HCN4: variants seen among roughly 807,000 people sequenced by gnomAD.
The protein encoded by HCN4 is hyperpolarization activated cyclic nucleotide gated potassium channel 4, also known as potassium/sodium hyperpolarization-activated cyclic nucleotide-gated channel 4.
HCN4 carries 29 observed loss-of-function variants against 76.9 expected under a neutral mutation model. The observed-to-expected ratio is 0.38, with a 90% CI of 0.28 to 0.51. The LOEUF (loss-of-function observed/expected upper bound fraction) is 0.51, where lower values mean the gene tolerates loss of function less well. HCN4 is among the 20% of genes least tolerant of loss of function. The pLI, the probability that HCN4 is intolerant of heterozygous loss-of-function variation, is 0.90. For missense variants in HCN4, 1,416 were observed against 1,715.2 expected, an observed-to-expected ratio of 0.83 and a Z score of 3.08; for synonymous variants, 772 against 762.5, an observed-to-expected ratio of 1.01 and a Z score of -0.21.
At chr15:73,330,255 G>A (rs1471234426) in intron 3 of HCN4, among the ~76,000 whole-genome samples, 4 of 152,242 alleles carry the variant, frequency 2.6e-5, no homozygotes, top group Admixed American at 6.5e-5. Flanking sequence ...GGACTGAGCC[G>A]AAAAACACTG....
Position 73,349,351 on chromosome 15 carries a change from A to T in HCN4, c.786-5543T>A, listed in dbSNP as rs180820075. Among the ~76,000 whole-genome samples the T allele has an allele frequency of 4.4e-3, 660 of 148,752 alleles. 3 individuals are homozygous for T. Among genetic ancestry groups the T allele is most frequent in the Non-Finnish European group, 6.8e-3 (456 of 67,486 alleles). On this transcript the variant is annotated intron_variant, in intron 1 of 7. Transcript: ENST00000261917. ...TGGACTACTTTATTTAATCTTCATT[A>T]AAAAAAAACCCCTATGAGGTAGATA...
In HCN4 at chr15:73,332,242, G is replaced by A; in HGVS notation, c.1260C>T (p.Asn420=). Residue 420 remains asparagine (N), a synonymous_variant, in exon 3 of 8, where the codon AAC becomes AAT. Transcript: ENST00000261917. ...AGAGCAGGAGCATCATGCCGATGAGGTTCACGATGCGCACCACGGCGCTGG... is the reference window on the plus strand; with the variant it reads ...AGAGCAGGAGCATCATGCCGATGAGATTCACGATGCGCACCACGGCGCTGG... ...DLASAVVRIV[N]LIGMMLLLCH... The A allele has an allele frequency of 6.2e-7, 1 of 1,614,208 alleles. No homozygotes were observed. The highest frequency in any genetic ancestry group is 1.3e-5 in the African/African-American group (1 of 75,074).
At chr15:73,324,370 G>A (rs991847160) in intron 6 of HCN4, 117 bp from the exon 7 acceptor site, 1 of 1,148,128 alleles carries the variant, frequency 8.7e-7, no homozygotes, top group Admixed American at 2.0e-5. Context: ...GGCTCACAAG[G>A]CCCTGCCCCC....
At chr15:73,363,243 T>A (rs2043113922) in intron 1 of HCN4, among the ~76,000 whole-genome samples, 1 of 152,220 alleles carries the variant, frequency 6.6e-6, no homozygotes, top group Non-Finnish European at 1.5e-5. Flanking sequence ...GGCTGCTGCC[T>A]CTTCCTCCTT....
At position 73,368,298 on chromosome 15, in the gene HCN4, C is replaced by A. The variant is rs1054355010; in HGVS notation, c.-28G>T. 4.8e-6 allele frequency: 7 copies of A among 1,454,298 alleles called. No individual in the cohort carries two copies. The African/African-American group carries it at 1.0e-4, about 21-fold the overall frequency. The allele number at this position is 1,454,298 out of a possible 1,614,324, so 90.1% of individuals were successfully genotyped here. A position where few individuals can be genotyped will look rare whatever the true frequency, so the allele number is the denominator to read the frequency against. ...CGCCAGGGGCCGGGGTCGGACCGGG[C>A]CGGGGGCAGGAGCGCGGCGCCGCGG... On this transcript the variant is annotated 5_prime_UTR_variant, in exon 1 of 8. Transcript: ENST00000261917. This position sits in a 1 kb window ranked among gnomAD's most constrained non-coding sequence, Gnocchi z 6.9.
At position 73,322,617 on chromosome 15, in the gene HCN4, C is replaced by T. The variant is rs754950186; in HGVS notation, c.3476G>A (p.Gly1159Asp). Residue 1159 changes from glycine to aspartate, a missense_variant, in exon 8 of 8, where the codon GGT (glycine) becomes GAT (aspartate). By Grantham distance (94) the Gly-to-Asp change is moderately conservative. This residue lies in a region of HCN4 where 633 missense variants were observed against 579.8 expected (regional missense o/e 1.09). Transcript: ENST00000261917. The stretch of plus-strand genomic sequence containing the variant: ...CAAAGACAGAGGGGGTGGCAAAGAA[C>T]CTGAGGATGTCTTCCGAGGCAGAGT... ...HVTLPRKTSS[G>D]SLPPPLSLFG... The T allele has an allele frequency of 1.2e-6, 2 of 1,611,896 alleles. No individual in the cohort carries two copies. Among genetic ancestry groups the T allele is most frequent in the East Asian group, 2.2e-5 (1 of 44,814 alleles).
Position 73,322,788 on chromosome 15 carries a change from C to CGG in HCN4, c.3303_3304dup (p.Arg1102ProfsTer80). On this transcript the variant is annotated frameshift_variant, in exon 8 of 8. Coordinates refer to ENST00000261917, the MANE Select transcript of HCN4 (RefSeq NM_005477.3). LOFTEE classifies it high-confidence loss of function. ...CCCTGAGGAGTGCGGGGAGGCTCTG[C>CGG]GGAGAGTCTGCGCCCCGTCCTGAGG... The CGG allele has an allele frequency of 6.4e-7, 1 of 1,552,352 alleles. No individual in the cohort carries two copies. The highest frequency in any genetic ancestry group is 8.7e-7 in the Non-Finnish European group (1 of 1,148,318).
In HCN4 at chr15:73,325,576, A is replaced by G. The variant is rs2042894625; in HGVS notation, c.1591-132T>C. On this transcript the variant is annotated intron_variant, in intron 4 of 7. Coordinates refer to ENST00000261917, the MANE Select transcript of HCN4 (RefSeq NM_005477.3). This position sits in a 1 kb window ranked among gnomAD's most constrained non-coding sequence, Gnocchi z 7.4. Reference sequence around the variant, plus strand: ...TCCTGGCTAAACTTGGTTCCTTGAGATCTGAGGTCTACAGTGTGGAAATGA... The same window carrying G: ...TCCTGGCTAAACTTGGTTCCTTGAGGTCTGAGGTCTACAGTGTGGAAATGA... 2 of 891,180 alleles carry G rather than the reference A, an allele frequency of 2.2e-6. No homozygotes were observed. Among genetic ancestry groups the G allele is most frequent in the Non-Finnish European group, 3.7e-6 (2 of 539,184 alleles). The allele number at this position is 891,180 out of a possible 1,614,324, so 55.2% of individuals were successfully genotyped here.
intron 2 of HCN4, chr15:73,341,069 G>GTGTGTGTGTGTGTGTGT (rs2042998731): frequency 2.7e-5 from 4 of 145,864 alleles, no homozygotes; most frequent in African/African-American, 1.0e-4. Context: ...GAGGGAGGTA[G>GTGTGTGTGTGTGTGTGT]GTGTGTGTGT....
At position 73,367,379 on chromosome 15, in the gene HCN4, TC is replaced by T. The variant is rs145930956; in HGVS notation, c.785+106del. The T allele has an allele frequency of 6.5e-7, 1 of 1,540,186 alleles. No homozygotes were observed. Among genetic ancestry groups the T allele is most frequent in the East Asian group, 2.3e-5 (1 of 42,858 alleles). On this transcript the variant is annotated intron_variant, in intron 1 of 7. Transcript: ENST00000261917. This position sits in a 1 kb window ranked among gnomAD's most constrained non-coding sequence, Gnocchi z 7.5. ...AGAGGCGCCCTGCCTCTCTTGGAGC[TC>T]CCAGCGCAAGGCAGGAAAGTTAACT...
intron 2 of HCN4, 28 bp from the exon 3 acceptor site, chr15:73,332,320 G>T: frequency 6.2e-7 from 1 of 1,613,440 alleles, no homozygotes; most frequent in Non-Finnish European, 8.5e-7. Context: ...GAAATTGGCT[G>T]GGATAGGTGA....
chr15:73,347,270 G>A (rs183421279), intron 1 of HCN4, among the ~76,000 whole-genome samples: 67 of 152,296 alleles, frequency 4.4e-4, no homozygotes, highest in African/African-American at 1.6e-3. Context: ...CACAGCTAGT[G>A]AGGGACAGAC....
chr15:73,356,547 C>T (rs1397142050), intron 1 of HCN4, among the ~76,000 whole-genome samples: 3 of 151,612 alleles, frequency 2.0e-5, no homozygotes, highest in Non-Finnish European at 2.9e-5. Flanking sequence ...CAGCATTGGT[C>T]ATAGAAGGGG....
intron 1 of HCN4, among the ~76,000 whole-genome samples, chr15:73,363,365 C>A (rs953715784): frequency 6.6e-6 from 1 of 152,182 alleles, no homozygotes. Flanking sequence ...CCCTTTCCCC[C>A]CTCAGGCATC....
intron 1 of HCN4, among the ~76,000 whole-genome samples, chr15:73,365,483 T>G (rs972224929): frequency 6.6e-6 from 1 of 152,142 alleles, no homozygotes; most frequent in Admixed American, 6.5e-5. Context: ...CCACACCCTC[T>G]CCTGCAGCCA....
chr15:73,338,660 C>T (rs2042980535), intron 2 of HCN4, among the ~76,000 whole-genome samples: 1 of 152,212 alleles, frequency 6.6e-6, no homozygotes, highest in African/African-American at 2.4e-5. Flanking sequence ...AATTGGAGGT[C>T]TGGCTGCTGC....
chr15:73,328,026 G>A lies in HCN4; in HGVS notation c.1590+1547C>T, dbSNP rs1394649237. ...GGCATAAAACAGAAAACGACATACT[G>A]GGTCCTCCCCTCATGGAGCCGTGGC... On this transcript the variant is annotated intron_variant, in intron 4 of 7. Coordinates refer to ENST00000261917, the MANE Select transcript of HCN4 (RefSeq NM_005477.3). The surrounding 1 kb of genome is among the most constrained non-coding windows in gnomAD (Gnocchi z 4.0). Among the ~76,000 whole-genome samples, 2 of 152,160 alleles carry A rather than the reference G, an allele frequency of 1.3e-5. No individual in the cohort carries two copies. The highest frequency in any genetic ancestry group is 2.9e-5 in the Non-Finnish European group (2 of 68,034).
chr15:73,345,069 A>T (rs1228691122), intron 1 of HCN4, among the ~76,000 whole-genome samples: 1 of 152,234 alleles, frequency 6.6e-6, no homozygotes, highest in Non-Finnish European at 1.5e-5. Flanking sequence ...AGCCAGGAGG[A>T]AGGAAGTGGG....
rs1444823534 is a variant in HCN4 at position 73,320,274 on chromosome 15, C to G, written c.*2207G>C. ...AACTCCTGAGCCAGCACAGTAGAGA[C>G]CAGTACTAGGCGGCGTCTAGTCTTT... On this transcript the variant is annotated 3_prime_UTR_variant, in exon 8 of 8. Transcript: ENST00000261917. The G allele has an allele frequency of 3.9e-5, 6 of 152,228 alleles. No homozygotes were observed. In the East Asian group the frequency reaches 1.2e-3, roughly 29 times the overall value. The allele number at this position is 152,228 out of a possible 1,614,324, so 9.4% of individuals were successfully genotyped here.
Sources: allele counts gnomAD v4.1 joint callset (sites outside exome capture counted in the v4.1 genomes callset), GRCh38; gene constraint gnomAD v4.1.1; regional missense constraint gnomAD v4.1.1; non-coding constraint Gnocchi (gnomAD v3.1); transcripts MANE v1.5; gene names NCBI Gene and HGNC (gene_info 2026-07-23, HGNC 2026-07-21).